ADGRL3: variants seen among roughly 807,000 people sequenced by gnomAD.
ADGRL3 encodes calcium-independent alpha-latrotoxin receptor 3.
In ADGRL3, 62 loss-of-function variants were observed where a neutral mutation model predicts 153.5. The observed-to-expected ratio is 0.40, with a 90% CI of 0.33 to 0.50. The LOEUF is 0.50. ADGRL3 is among the 20% of genes least tolerant of loss of function. The pLI, the probability that ADGRL3 is intolerant of heterozygous loss-of-function variation, is 0.47. For missense variants in ADGRL3, 1,641 were observed against 1,859.4 expected, an observed-to-expected ratio of 0.88 and a Z score of 2.16; for synonymous variants, 710 against 672.5, an observed-to-expected ratio of 1.06 and a Z score of -0.86.
intron 1 of ADGRL3, among the ~76,000 whole-genome samples, chr4:61,338,513 G>A (rs1019003773): frequency 5.3e-5 from 8 of 151,958 alleles, no homozygotes; most frequent in Non-Finnish European, 8.8e-5. Flanking sequence ...TGTGCAAAAG[G>A]CTCAGAGACC....
At chr4:61,389,674 G>A (rs77702176) in intron 2 of ADGRL3, among the ~76,000 whole-genome samples, 1,725 of 152,232 alleles carry the variant, frequency 0.011, 31 homozygotes, top group African/African-American at 0.039. Context: ...CAGTCAGAAT[G>A]TGTGGGATGT....
chr4:61,743,126 C>G (rs1402644741), intron 8 of ADGRL3, among the ~76,000 whole-genome samples: 4 of 151,552 alleles, frequency 2.6e-5, no homozygotes, highest in African/African-American at 4.9e-5. Flanking sequence ...CTAGACCATC[C>G]TGGCTAACAT....
At chr4:61,945,710 C>T (rs540203678) in intron 15 of ADGRL3, among the ~76,000 whole-genome samples, 4,235 of 150,626 alleles carry the variant, frequency 0.028, 65 homozygotes, top group Middle Eastern at 0.042. Flanking sequence ...CAGGTGCGTC[C>T]GTCACCCCTT....
At chr4:61,850,600 A>G (rs1346871904) in intron 9 of ADGRL3, among the ~76,000 whole-genome samples, 3 of 152,164 alleles carry the variant, frequency 2.0e-5, no homozygotes, top group Non-Finnish European at 4.4e-5. Context: ...TGTTTATGAC[A>G]TATAAAACGA....
intron 6 of ADGRL3, among the ~76,000 whole-genome samples, chr4:61,726,818 A>G (rs1444930693): frequency 6.6e-6 from 1 of 152,192 alleles, no homozygotes; most frequent in Admixed American, 6.5e-5. Context: ...CTTTTTTCTT[A>G]TAGATTACAG....
intron 25 of ADGRL3, among the ~76,000 whole-genome samples, chr4:62,047,259 G>T (rs2151713673): frequency 6.6e-6 from 1 of 151,602 alleles, no homozygotes; most frequent in African/African-American, 2.4e-5. Flanking sequence ...ATGAGAAGCT[G>T]TTTTCCAAAA....
intron 5 of ADGRL3, among the ~76,000 whole-genome samples, chr4:61,650,316 A>T (rs918638090): frequency 2.0e-5 from 3 of 152,144 alleles, no homozygotes; most frequent in Admixed American, 2.0e-4. Context: ...TATTTACTGT[A>T]TTACTTTTTA....
At chr4:61,904,149 C>G (rs556582906) in intron 11 of ADGRL3, among the ~76,000 whole-genome samples, 1 of 138,092 alleles carries the variant, frequency 7.2e-6, no homozygotes, top group Non-Finnish European at 1.5e-5. Flanking sequence ...TTCCCAGGCT[C>G]TTTTGAAGGA....
chr4:61,796,595 G>A (rs926664814), intron 8 of ADGRL3, among the ~76,000 whole-genome samples: 2 of 152,116 alleles, frequency 1.3e-5, no homozygotes, highest in African/African-American at 2.4e-5. Context: ...CATAAAAGAC[G>A]AGATGCCTGT....
chr4:61,365,246 A>G (rs1164109453), intron 1 of ADGRL3, among the ~76,000 whole-genome samples: 1 of 86,636 alleles, frequency 1.2e-5, no homozygotes, highest in Non-Finnish European at 2.6e-5. Flanking sequence ...ATCACAAAAA[A>G]ATTACAAAAA....
At chr4:61,341,414 C>A (rs1406553003) in intron 1 of ADGRL3, among the ~76,000 whole-genome samples, 1 of 151,616 alleles carries the variant, frequency 6.6e-6, no homozygotes, top group African/African-American at 2.4e-5. Flanking sequence ...GAACCTCGAA[C>A]CCCTAACTTC....
chr4:61,916,663 G>A (rs114542395), intron 13 of ADGRL3, among the ~76,000 whole-genome samples: 1,762 of 152,250 alleles, frequency 0.012, 29 homozygotes, highest in African/African-American at 0.04. Context: ...AAGAATAACA[G>A]TGATTTGTTA....
chr4:61,380,289 G>C (rs1268173783), intron 1 of ADGRL3, among the ~76,000 whole-genome samples: 5 of 151,970 alleles, frequency 3.3e-5, no homozygotes, highest in African/African-American at 1.2e-4. Flanking sequence ...AGCTCTGTGA[G>C]TGCTATTTTC....
intron 25 of ADGRL3, among the ~76,000 whole-genome samples, chr4:62,050,934 A>G (rs1733749365): frequency 6.6e-6 from 1 of 151,786 alleles, no homozygotes; most frequent in African/African-American, 2.4e-5. Context: ...CAAGCATTAT[A>G]CTGATATGAA....
chr4:61,840,849 T>A (rs1173706933), intron 9 of ADGRL3, among the ~76,000 whole-genome samples: 17 of 152,198 alleles, frequency 1.1e-4, no homozygotes, highest in Admixed American at 1.1e-3. Flanking sequence ...AGTTTCCTTC[T>A]TTGGCAGAAG....
chr4:61,467,052 G>C (rs2097893205), intron 2 of ADGRL3, among the ~76,000 whole-genome samples: 1 of 152,094 alleles, frequency 6.6e-6, no homozygotes, highest in African/African-American at 2.4e-5. Context: ...ATAAGTACTT[G>C]TGACACCAAG....
chr4:61,619,516 T>TAC (rs34015455), intron 5 of ADGRL3, among the ~76,000 whole-genome samples: 18,350 of 149,372 alleles, frequency 0.12, 1,238 homozygotes, highest in East Asian at 0.21. Flanking sequence ...GAATGTGAGA[T>TAC]ACACACACAC....
intron 1 of ADGRL3, among the ~76,000 whole-genome samples, chr4:61,226,082 TGG>T (rs1747827466): frequency 1.3e-5 from 2 of 152,206 alleles, no homozygotes; most frequent in African/African-American, 4.8e-5. Context: ...TGATTCATCT[TGG>T]GTTACCTGAG....
intron 9 of ADGRL3, among the ~76,000 whole-genome samples, chr4:61,825,909 C>G (rs1581018822): frequency 6.6e-6 from 1 of 152,176 alleles, no homozygotes; most frequent in East Asian, 1.9e-4. Flanking sequence ...ACACAGACAG[C>G]ATTGAAGGAA....
Sources: gnomAD v4.1 joint callset for allele counts (sites outside exome capture counted in the v4.1 genomes callset) on GRCh38, gnomAD v4.1.1 for gene constraint, MANE v1.5 for transcripts, NCBI Gene and HGNC (gene_info 2026-07-23, HGNC 2026-07-21) for gene names.